GUCY1A2: variants seen among roughly 807,000 people sequenced by gnomAD.
GUCY1A2 encodes the protein guanylate cyclase 1 soluble subunit alpha 2.
GUCY1A2 carries 27 observed loss-of-function variants against 63.5 expected under a neutral mutation model. That is an observed-to-expected ratio of 0.43 (90% CI 0.31 to 0.59). The LOEUF (loss-of-function observed/expected upper bound fraction) is 0.59. Ranked by LOEUF, GUCY1A2 falls within the 20% of genes least tolerant of loss-of-function variation. The pLI is 0.11. For synonymous variants in GUCY1A2, 364 were observed against 343.5 expected, an observed-to-expected ratio of 1.06 and a Z score of -0.66; for missense variants, 768 against 913.3, an observed-to-expected ratio of 0.84 and a Z score of 2.05.
chr11:106,933,127 A>C (rs1315764388), intron 4 of GUCY1A2, among the ~76,000 whole-genome samples: 2 of 152,178 alleles, frequency 1.3e-5, no homozygotes, highest in African/African-American at 2.4e-5. Context: ...GACCTAATTA[A>C]ACTAAAGAGC....
intron 6 of GUCY1A2, among the ~76,000 whole-genome samples, chr11:106,770,266 C>T (rs994743100): frequency 2.6e-5 from 4 of 151,834 alleles, no homozygotes; most frequent in Admixed American, 2.0e-4. Context: ...TAATATGTAA[C>T]GTGTTGTAAA....
intron 3 of GUCY1A2, among the ~76,000 whole-genome samples, chr11:106,947,530 GCAA>G (rs1362672561): frequency 1.3e-5 from 2 of 151,534 alleles, no homozygotes; most frequent in Non-Finnish European, 1.5e-5. Flanking sequence ...AATAGCAAAA[GCAA>G]CAAACTCAAA....
At chr11:106,828,821 A>T (rs1859011774) in intron 4 of GUCY1A2, among the ~76,000 whole-genome samples, 1 of 152,234 alleles carries the variant, frequency 6.6e-6, no homozygotes, top group Admixed American at 6.5e-5. Context: ...GAGCTAGCAC[A>T]TGAACAAGTC....
At chr11:107,004,026 A>C (rs1861641548) in intron 1 of GUCY1A2, among the ~76,000 whole-genome samples, 1 of 152,198 alleles carries the variant, frequency 6.6e-6, no homozygotes, top group Non-Finnish European at 1.5e-5. Flanking sequence ...CATGGTGATT[A>C]ATCATGGGAA....
chr11:106,812,823 C>T (rs1858780522), intron 4 of GUCY1A2, among the ~76,000 whole-genome samples: 1 of 151,892 alleles, frequency 6.6e-6, no homozygotes, highest in Non-Finnish European at 1.5e-5. Flanking sequence ...ATTGCCTACA[C>T]TACAGAAAAA....
intron 5 of GUCY1A2, among the ~76,000 whole-genome samples, chr11:106,778,274 AGTTTTT>A (rs1488872256): frequency 6.6e-6 from 1 of 152,172 alleles, no homozygotes; most frequent in East Asian, 1.9e-4. Flanking sequence ...TCCTTCCTTT[AGTTTTT>A]ATCAAATAAT....
rs111449307 is a variant in GUCY1A2, at chr11:106,925,267, T to C, written c.1206+14193A>G. ...TAACTTTAAAGAAAAATCATATTAC[T>C]TTTAAACTTTGATAAACTGTATCAA... On this transcript the variant is annotated intron_variant, in intron 4 of 7. Transcript: ENST00000526355. Among the ~76,000 whole-genome samples, 267 of 152,284 alleles carry C rather than the reference T, an allele frequency of 1.8e-3. 1 individual carries two copies. Among genetic ancestry groups the C allele is most frequent in the African/African-American group, 6.1e-3 (255 of 41,568 alleles).
rs1861848234 is a variant in GUCY1A2 at position 107,017,881 on chromosome 11, G to GGGCGGCGGC, written c.166_174dup (p.Ala56_Ala58dup). The stretch of plus-strand genomic sequence containing the variant: ...GCAGAAGCAGCCGGGGTCGGGGCCG[G>GGGCGGCGGC]GGCGGCGGCAGCGGCAGCTGCGGCC... On this transcript the variant is annotated inframe_insertion, in exon 1 of 8. Transcript: ENST00000526355. 8.0e-7 allele frequency: 1 copy of GGGCGGCGGC among 1,250,676 alleles called. No homozygotes were observed. The highest frequency in any genetic ancestry group is 1.6e-5 in the African/African-American group (1 of 63,816). 77.5% of individuals were successfully genotyped at this position (1,250,676 alleles called of 1,614,324 possible).
At chr11:106,885,560 TC>T (rs913080684) in intron 4 of GUCY1A2, among the ~76,000 whole-genome samples, 1 of 152,160 alleles carries the variant, frequency 6.6e-6, no homozygotes, top group African/African-American at 2.4e-5. Context: ...TTCTCGAAAA[TC>T]CATACTATTA....
At chr11:106,792,799 ATAAAC>A (rs1164696415) in intron 5 of GUCY1A2, among the ~76,000 whole-genome samples, 2 of 152,212 alleles carry the variant, frequency 1.3e-5, no homozygotes, top group African/African-American at 4.8e-5. Flanking sequence ...AACAAAAAGA[ATAAAC>A]TACTTAAAAT....
intron 7 of GUCY1A2, among the ~76,000 whole-genome samples, chr11:106,698,162 G>GA (rs1862755100): frequency 9.8e-6 from 1 of 102,166 alleles, no homozygotes; most frequent in African/African-American, 4.3e-5. Context: ...CTCTGTTGCT[G>GA]AAGCTGGAGT....
chr11:106,893,275 G>T (rs1859998658), intron 4 of GUCY1A2, among the ~76,000 whole-genome samples: 1 of 152,106 alleles, frequency 6.6e-6, no homozygotes, highest in Admixed American at 6.6e-5. Flanking sequence ...AAGGCAAGTA[G>T]CACATATCTA....
intron 3 of GUCY1A2, among the ~76,000 whole-genome samples, chr11:106,973,443 A>C (rs1293180396): frequency 6.6e-6 from 1 of 152,150 alleles, no homozygotes; most frequent in Non-Finnish European, 1.5e-5. Flanking sequence ...GAAATGATCC[A>C]AATTGCAACA....
chr11:106,784,355 A>ACTAGT (rs1864519936), intron 5 of GUCY1A2, among the ~76,000 whole-genome samples: 1 of 152,000 alleles, frequency 6.6e-6, no homozygotes, highest in South Asian at 2.1e-4. Flanking sequence ...GCTCACCAAG[A>ACTAGT]CTAGTGGTGC....
intron 6 of GUCY1A2, among the ~76,000 whole-genome samples, chr11:106,760,500 C>A (rs961337167): frequency 6.6e-6 from 1 of 152,062 alleles, no homozygotes; most frequent in African/African-American, 2.4e-5. Flanking sequence ...TAGTTTTTCA[C>A]TTTTTAATAC....
chr11:106,794,956 A>G (rs1006970483), intron 5 of GUCY1A2, among the ~76,000 whole-genome samples: 1 of 152,294 alleles, frequency 6.6e-6, no homozygotes, highest in East Asian at 1.9e-4. Context: ...CTCCAGATGG[A>G]GTCAATTGCT....
At chr11:106,739,457 A>G (rs991938434) in intron 6 of GUCY1A2, among the ~76,000 whole-genome samples, 1 of 152,234 alleles carries the variant, frequency 6.6e-6, no homozygotes, top group Non-Finnish European at 1.5e-5. Flanking sequence ...TAACACTTAC[A>G]GAGTGCCAGA....
intron 3 of GUCY1A2, among the ~76,000 whole-genome samples, chr11:106,977,321 C>T (rs1350086957): frequency 1.3e-5 from 2 of 152,034 alleles, no homozygotes; most frequent in Non-Finnish European, 2.9e-5. Flanking sequence ...TCTTTTAATC[C>T]CATCCCTTAT....
intron 6 of GUCY1A2, among the ~76,000 whole-genome samples, chr11:106,769,779 G>A (rs1425742811): frequency 6.6e-6 from 1 of 151,992 alleles, no homozygotes; most frequent in African/African-American, 2.4e-5. Flanking sequence ...TGAGAAATGA[G>A]GATAACTGGG....
Sources: allele counts gnomAD v4.1 joint callset (sites outside exome capture counted in the v4.1 genomes callset), GRCh38; gene constraint gnomAD v4.1.1; transcripts MANE v1.5; gene names NCBI Gene and HGNC (gene_info 2026-07-23, HGNC 2026-07-21).